Variants in LINGO1 observed in about 807,000 individuals in gnomAD.
The protein encoded by LINGO1 is leucine rich repeat and Ig domain containing 1, also known as leucine-rich repeat and immunoglobulin-like domain-containing nogo receptor-interacting protein 1.
A neutral mutation model predicts 37.3 loss-of-function variants in LINGO1; 11 were observed. That is an observed-to-expected ratio of 0.29 (90% CI 0.19 to 0.49). The LOEUF (loss-of-function observed/expected upper bound fraction) is 0.49. LINGO1 is among the 20% of genes least tolerant of loss of function. The probability of loss-of-function intolerance (pLI) is 0.99; values close to 1 mark genes in which losing one functional copy is unlikely to be tolerated. For missense variants in LINGO1, 585 were observed against 878.2 expected (o/e 0.67, Z 4.22); for synonymous variants, 387 against 403.0 (o/e 0.96, Z 0.48).
At chr15:77,781,983 A>G (rs2076722551) in intron 1 of LINGO1, among the ~76,000 whole-genome samples, 1 of 152,232 alleles carries the variant, frequency 6.6e-6, no homozygotes, top group Admixed American at 6.5e-5. Flanking sequence ...GGTTGGGGAC[A>G]GGAGCCAGAA....
chr15:77,634,852 T>G (rs1387144239), upstream of LINGO1, among the ~76,000 whole-genome samples: 1 of 150,404 alleles, frequency 6.6e-6, no homozygotes, highest in African/African-American at 2.4e-5. Context: ...AGACGCTCGC[T>G]GGCTCCTGCG....
upstream of LINGO1, among the ~76,000 whole-genome samples, chr15:77,790,707 G>C (rs547543694): frequency 1.3e-5 from 2 of 152,316 alleles, no homozygotes; most frequent in African/African-American, 4.8e-5. Context: ...CTGGGTTTGG[G>C]GGGGTGGAAA....
At chr15:77,787,442 C>T, upstream of LINGO1, among the ~76,000 whole-genome samples, 1 of 152,008 alleles carries the variant, frequency 6.6e-6, no homozygotes, top group East Asian at 1.9e-4. Flanking sequence ...AACACAGCTG[C>T]AGGGAGCCTC....
intron 2 of LINGO1, among the ~76,000 whole-genome samples, chr15:77,729,666 GT>G (rs2076136194): frequency 6.6e-6 from 1 of 152,224 alleles, no homozygotes; most frequent in African/African-American, 2.4e-5. Context: ...CTGCAGAGAT[GT>G]TGGAATAGAT....
intron 3 of LINGO1, among the ~76,000 whole-genome samples, chr15:77,661,204 C>A (rs1343077540): frequency 6.6e-6 from 1 of 152,162 alleles, no homozygotes; most frequent in Admixed American, 6.5e-5. Context: ...CACCCCACAC[C>A]AAGAAGGCAG....
At chr15:77,680,312 T>G (rs1355962961) in intron 2 of LINGO1, among the ~76,000 whole-genome samples, 8 of 152,144 alleles carry the variant, frequency 5.3e-5, no homozygotes, top group African/African-American at 1.7e-4. Flanking sequence ...CTTTGTCACA[T>G]GAAATCACTG....
intron 3 of LINGO1, among the ~76,000 whole-genome samples, chr15:77,669,075 T>C (rs1398151502): frequency 1.3e-5 from 2 of 152,238 alleles, no homozygotes; most frequent in Non-Finnish European, 2.9e-5. Context: ...AGGGTATAAT[T>C]ACCTGTTAGG....
At chr15:77,810,935 C>A (rs1007765805) in intron 1 of LINGO1, among the ~76,000 whole-genome samples, 2 of 152,138 alleles carry the variant, frequency 1.3e-5, no homozygotes, top group African/African-American at 4.8e-5. Flanking sequence ...GGGCCTCAGG[C>A]AGCCCGAGGC....
chr15:77,616,870 C>T (rs1212824669), intron 1 of LINGO1, among the ~76,000 whole-genome samples: 1 of 152,210 alleles, frequency 6.6e-6, no homozygotes, highest in South Asian at 2.1e-4. Flanking sequence ...TTTTCTGTTA[C>T]CCAATAAGAA....
chr15:77,632,935 A>G (rs1215398214), upstream of LINGO1, among the ~76,000 whole-genome samples: 3 of 137,290 alleles, frequency 2.2e-5, no homozygotes, highest in Admixed American at 7.3e-5. The surrounding 1 kb of genome is among the most constrained non-coding windows in gnomAD (Gnocchi z 6.0). Context: ...GGGAGGGAGG[A>G]GGGATCGAGG....
chr15:77,665,925 C>A (rs1248240757), intron 3 of LINGO1, among the ~76,000 whole-genome samples: 1 of 152,252 alleles, frequency 6.6e-6, no homozygotes, highest in Non-Finnish European at 1.5e-5. Flanking sequence ...CAGCCACCCC[C>A]ACACGGTGCT....
chr15:77,814,343 C>T (rs1261032398), intron 1 of LINGO1, among the ~76,000 whole-genome samples: 4 of 152,200 alleles, frequency 2.6e-5, no homozygotes, highest in Non-Finnish European at 4.4e-5. Context: ...TCAGTTTTCT[C>T]ATCTGTGAAA....
At chr15:77,654,103 G>T (rs906464212) in intron 3 of LINGO1, among the ~76,000 whole-genome samples, 1 of 152,230 alleles carries the variant, frequency 6.6e-6, no homozygotes, top group Non-Finnish European at 1.5e-5. Flanking sequence ...AAGACCCAGG[G>T]TGGCCTTGGC....
intron 1 of LINGO1, among the ~76,000 whole-genome samples, chr15:77,810,227 T>TACACAC (rs59680666): frequency 0.093 from 13,305 of 143,044 alleles, 620 homozygotes; most frequent in African/African-American, 0.12. Context: ...CACACAAACA[T>TACACAC]ACACACACAC....
At chr15:77,681,261 A>C (rs1347509703) in intron 2 of LINGO1, among the ~76,000 whole-genome samples, 3 of 151,892 alleles carry the variant, frequency 2.0e-5, no homozygotes, top group Non-Finnish European at 2.9e-5. Flanking sequence ...GACCTGTTTA[A>C]TTGGGTGCAG....
chr15:77,811,005 G>C (rs1419855866), intron 1 of LINGO1, among the ~76,000 whole-genome samples: 1 of 151,950 alleles, frequency 6.6e-6, no homozygotes, highest in Non-Finnish European at 1.5e-5. Flanking sequence ...CTTCCGATCT[G>C]TTCCGAGGTT....
At chr15:77,616,258 T>TC (rs747509815) in intron 1 of LINGO1, among the ~76,000 whole-genome samples, 7 of 152,146 alleles carry the variant, frequency 4.6e-5, no homozygotes, top group Non-Finnish European at 1.0e-4. Flanking sequence ...CCCCTGGTGC[T>TC]CATCAGGGAT....
At chr15:77,682,932 C>T (rs955470194) in intron 2 of LINGO1, among the ~76,000 whole-genome samples, 3 of 152,148 alleles carry the variant, frequency 2.0e-5, no homozygotes, top group Non-Finnish European at 4.4e-5. Flanking sequence ...ATACCACAGA[C>T]AAAGTTAAAA....
At chr15:77,816,143 G>T (rs1567599220) in intron 1 of LINGO1, among the ~76,000 whole-genome samples, 1 of 152,170 alleles carries the variant, frequency 6.6e-6, no homozygotes, top group East Asian at 1.9e-4. Context: ...CCCCCACTGA[G>T]CCTCTTGGTT....
Sources: gnomAD v4.1 joint callset for allele counts (sites outside exome capture counted in the v4.1 genomes callset) on GRCh38, gnomAD v4.1.1 for gene constraint, Gnocchi (gnomAD v3.1) non-coding constraint, MANE v1.5 for transcripts, NCBI Gene and HGNC (gene_info 2026-07-23, HGNC 2026-07-21) for gene names.